TMEM260: variants seen among roughly 807,000 people sequenced by gnomAD.
TMEM260 encodes protein O-mannosyl-transferase TMEM260.
A neutral mutation model predicts 88.9 loss-of-function variants in TMEM260; 82 were observed. The ratio of observed to expected loss-of-function variants is 0.92; its 90% CI spans 0.77 to 1.11. TMEM260 has a LOEUF of 1.11. TMEM260 is among the 50% of genes least tolerant of loss of function. The probability of loss-of-function intolerance (pLI) is 0.00; values close to 1 mark genes in which losing one functional copy is unlikely to be tolerated. For missense variants in TMEM260, 902 were observed against 853.4 expected (o/e 1.06, Z -0.71); for synonymous variants, 314 against 309.3 (o/e 1.02, Z -0.16).
intron 15 of TMEM260, among the ~76,000 whole-genome samples, chr14:56,638,853 A>C (rs141078990): frequency 2.0e-5 from 3 of 152,196 alleles, no homozygotes; most frequent in African/African-American, 7.2e-5. Flanking sequence ...GGTGTCCCCA[A>C]CTAACAGAAT....
chr14:56,619,237 T>A (rs1887765965), intron 10 of TMEM260: 1 of 156,388 alleles, frequency 6.4e-6, no homozygotes, highest in Non-Finnish European at 1.4e-5. Context: ...AGTGGCATGA[T>A]CGTAGCTTAC....
downstream of TMEM260, among the ~76,000 whole-genome samples, chr14:56,652,711 T>C (rs886160448): frequency 1.3e-5 from 2 of 152,188 alleles, no homozygotes; most frequent in Admixed American, 1.3e-4. Context: ...AACAAGCAAC[T>C]TCACTGATAG....
Position 56,636,585 on chromosome 14 carries a change from C to T in TMEM260, c.1856C>T (p.Ala619Val), listed in dbSNP as rs756719947. Residue 619 changes from alanine to valine, a missense_variant, in exon 15 of 16, where the codon GCT becomes GTT. By Grantham distance (64) the Ala-to-Val change is moderately conservative (BLOSUM62 0). Coordinates refer to ENST00000261556, the MANE Select transcript of TMEM260 (RefSeq NM_017799.4). ...TCAAAAGTGAAAGCTCAACTCTACG[C>T]TCAAGCATATGACGTATGTTACACT... ...MPSKVKAQLYAQAYDLYKEIV... is the reference protein window; with the variant it reads ...MPSKVKAQLYVQAYDLYKEIV... The T allele has an allele frequency of 1.6e-5, 26 of 1,613,720 alleles. 1 individual carries two copies. The highest frequency in any genetic ancestry group is 2.2e-5 in the Non-Finnish European group (26 of 1,179,826).
chr14:56,618,915 G>T (rs2139592521), intron 10 of TMEM260, 152 bp downstream of exon 10: 2 of 762,372 alleles, frequency 2.6e-6, no homozygotes, highest in East Asian at 5.4e-5. Flanking sequence ...AACTTTTAGG[G>T]TCGTTAAACC....
chr14:56,632,738 A>G (rs1277111598), intron 12 of TMEM260, among the ~76,000 whole-genome samples: 2 of 152,074 alleles, frequency 1.3e-5, no homozygotes, highest in African/African-American at 4.8e-5. Context: ...GTGAACCACC[A>G]TGTCCAGCCT....
At position 56,618,643 on chromosome 14, in the gene TMEM260, G is replaced by C. The variant is rs1173703389; in HGVS notation, c.1106G>C (p.Gly369Ala). Residue 369 changes from glycine to alanine, a missense_variant, in exon 10 of 16, where the codon GGC becomes GCC. Physicochemically the swap from Gly to Ala is moderately conservative, Grantham distance 60. Transcript: ENST00000261556. ...AATGCAGTAGTGGCCGTCCTCGCTG[G>C]CATTGGTTTGGCTGCAGTTGTGTCT... Reference protein sequence around the residue: ...QSNAVVAVLAGIGLAAVVSET... With the variant: ...QSNAVVAVLAAIGLAAVVSET... The C allele has an allele frequency of 4.3e-6, 7 of 1,614,196 alleles. No homozygotes were observed. The highest frequency in any genetic ancestry group is 5.9e-6 in the Non-Finnish European group (7 of 1,180,030).
intron 3 of TMEM260, among the ~76,000 whole-genome samples, chr14:56,595,221 A>G (rs1244810035): frequency 6.6e-6 from 1 of 152,174 alleles, no homozygotes. Flanking sequence ...TGTAGTTATG[A>G]TTTTTGTAGC....
intron 12 of TMEM260, among the ~76,000 whole-genome samples, chr14:56,627,403 A>G (rs1049213610): frequency 3.9e-5 from 6 of 152,160 alleles, no homozygotes; most frequent in African/African-American, 9.6e-5. Flanking sequence ...TCATAAAACA[A>G]TTTCCTTATG....
At chr14:56,624,910 A>T (rs1480724936) in intron 11 of TMEM260, among the ~76,000 whole-genome samples, 1 of 152,148 alleles carries the variant, frequency 6.6e-6, no homozygotes, top group Admixed American at 6.5e-5. Flanking sequence ...TGGTCTCGGG[A>T]TGAAACTGTT....
the TMEM260 span, among the ~76,000 whole-genome samples, chr14:56,658,231 T>G: frequency 6.6e-6 from 1 of 152,116 alleles, no homozygotes; most frequent in East Asian, 1.9e-4. Context: ...CAAAAATATA[T>G]AATCTCAATT....
intron 5 of TMEM260, among the ~76,000 whole-genome samples, chr14:56,606,802 G>A (rs1886935081): frequency 2.0e-5 from 3 of 152,198 alleles, no homozygotes; most frequent in Admixed American, 2.0e-4. Context: ...GGCTGGGGCA[G>A]GAGAATCGCT....
At chr14:56,611,539 A>G (rs1297758318) in intron 6 of TMEM260, among the ~76,000 whole-genome samples, 1 of 152,168 alleles carries the variant, frequency 6.6e-6, no homozygotes. Context: ...AAAGTCAAAA[A>G]ACATGCTGGT....
chr14:56,621,407 A>G (rs1887907736), intron 10 of TMEM260, 124 bp from the exon 11 acceptor site: 1 of 636,334 alleles, frequency 1.6e-6, no homozygotes, highest in Non-Finnish European at 2.5e-6. Context: ...ATTATTTTAG[A>G]ATGTATTGAA....
chr14:56,616,052 G>C, intron 8 of TMEM260, 25 bp downstream of exon 8: 1 of 1,520,054 alleles, frequency 6.6e-7, no homozygotes, highest in Non-Finnish European at 9.1e-7. Context: ...TCCTTTTTCT[G>C]TTATTTTTCT....
Position 56,580,066 on chromosome 14 carries a change from G to A in TMEM260, c.152G>A (p.Gly51Glu). The A allele has an allele frequency of 3.2e-6, 4 of 1,252,008 alleles. No individual in the cohort carries two copies. Among genetic ancestry groups the A allele is most frequent in the Non-Finnish European group, 4.0e-6 (4 of 990,364 alleles). The allele number at this position is 1,252,008 out of a possible 1,614,324, so 77.6% of individuals were successfully genotyped here. ...TFTLPPSVPG[G>E]DSGELITAAH... ...ACCCTGCCCCCTTCGGTACCGGGGG[G>A]AGACTCCGGTAAAGTACTCGCAGGG... The change falls in exon 1 of 16, where the codon GGA becomes GAA. Residue 51 changes from glycine to glutamate, a missense_variant. Gly to Glu is a moderately conservative substitution (Grantham distance 98). Transcript: ENST00000261556.
At position 56,609,376 on chromosome 14, in the gene TMEM260, A is replaced by G. The variant is rs193298569; in HGVS notation, c.816+91A>G. 24 of 1,177,094 alleles carry G rather than the reference A, an allele frequency of 2.0e-5. No individual in the cohort carries two copies. In the African/African-American group the frequency reaches 3.4e-4, roughly 16 times the overall value. The allele number at this position is 1,177,094 out of a possible 1,614,324, so 72.9% of individuals were successfully genotyped here. ...TTGATTAAAAAAACAATATTTGTCA[A>G]TGACAGTAGATCAAATGTTTGTTTT... is the stretch of plus-strand genomic sequence containing the variant. On this transcript the variant is annotated intron_variant, in intron 6 of 15. Transcript: ENST00000261556.
chr14:56,657,998 C>A, the TMEM260 span, among the ~76,000 whole-genome samples: 37 of 152,300 alleles, frequency 2.4e-4, no homozygotes, highest in Middle Eastern at 6.8e-3. Context: ...TCTCCCACTG[C>A]CACCCATAGT....
chr14:56,637,346 TAAAG>T (rs1879581464), intron 15 of TMEM260, among the ~76,000 whole-genome samples: 2 of 152,196 alleles, frequency 1.3e-5, no homozygotes, highest in South Asian at 4.1e-4. Flanking sequence ...GAAGAGATGA[TAAAG>T]AGTCATGGAG....
At chr14:56,618,940 T>G (rs535125009) in intron 10 of TMEM260, among the ~76,000 whole-genome samples, 177 bp downstream of exon 10, 2 of 152,276 alleles carry the variant, frequency 1.3e-5, no homozygotes, top group South Asian at 4.1e-4. Context: ...AGTTAAAGCA[T>G]GGGCGATGAA....
Sources: gnomAD v4.1 joint callset for allele counts (sites outside exome capture counted in the v4.1 genomes callset) on GRCh38, gnomAD v4.1.1 for gene constraint, MANE v1.5 for transcripts, NCBI Gene and HGNC (gene_info 2026-07-23, HGNC 2026-07-21) for gene names.